The following MGAT4C variants were observed in gnomAD, a reference collection of about 807,000 sequenced individuals.
MGAT4C encodes the protein alpha-1,3-mannosyl-glycoprotein 4-beta-N-acetylglucosaminyltransferase C.
In MGAT4C, 19 loss-of-function variants were observed where a neutral mutation model predicts 40.1. The observed-to-expected ratio is 0.47, with a 90% CI of 0.33 to 0.70. The LOEUF is 0.70. Ranked by LOEUF, MGAT4C falls within the 30% of genes least tolerant of loss-of-function variation. The pLI is 0.02. For missense variants in MGAT4C, 491 were observed against 563.2 expected (o/e 0.87, Z 1.30); for synonymous variants, 181 against 187.1 (o/e 0.97, Z 0.27).
intron 1 of MGAT4C, among the ~76,000 whole-genome samples, chr12:86,084,714 T>C (rs952970778): frequency 1.3e-5 from 2 of 151,118 alleles, no homozygotes; most frequent in East Asian, 3.9e-4. Context: ...AATAAAACCA[T>C]TTTCTTATTA....
At chr12:86,444,979 T>C (rs896454483) in intron 2 of MGAT4C, among the ~76,000 whole-genome samples, 9 of 152,314 alleles carry the variant, frequency 5.9e-5, no homozygotes, top group South Asian at 2.1e-4. Context: ...TGCAAACTTA[T>C]CCATAGTGAC....
intron 3 of MGAT4C, among the ~76,000 whole-genome samples, chr12:86,347,050 C>T (rs1164786983): frequency 1.3e-5 from 2 of 152,238 alleles, no homozygotes; most frequent in South Asian, 2.1e-4. Context: ...ACTGCACTGT[C>T]GGCTTCCCTA....
At chr12:86,539,588 G>C (rs1959137233) in intron 2 of MGAT4C, among the ~76,000 whole-genome samples, 1 of 152,190 alleles carries the variant, frequency 6.6e-6, no homozygotes, top group South Asian at 2.1e-4. Flanking sequence ...AGATACTTGA[G>C]GAATCGCCAC....
chr12:86,743,828 T>C (rs2136133432), intron 1 of MGAT4C, among the ~76,000 whole-genome samples: 1 of 151,794 alleles, frequency 6.6e-6, no homozygotes, highest in East Asian at 1.9e-4. Context: ...AATTTACTTT[T>C]ATTTTTCACA....
chr12:86,782,450 G>A (rs960080305), intron 1 of MGAT4C, among the ~76,000 whole-genome samples: 1 of 151,904 alleles, frequency 6.6e-6, no homozygotes, highest in Non-Finnish European at 1.5e-5. Context: ...TAAAGTGCTG[G>A]GATTACAGGA....
rs149858055 is a variant in MGAT4C, at chr12:85,999,418, G to A, written c.-6-9866C>T. Among the ~76,000 whole-genome samples the A allele has an allele frequency of 2.0e-5, 3 of 152,234 alleles. 1 individual carries two copies. Among genetic ancestry groups the A allele is most frequent in the African/African-American group, 7.2e-5 (3 of 41,532 alleles). On this transcript the variant is annotated intron_variant, in intron 2 of 4. Transcript: ENST00000611864. ...AATTATATACAAATGTTCACAATGT[G>A]TCTCCATTACTGGATATATATCCAA...
chr12:86,673,573 GATA>G (rs1178075721), intron 2 of MGAT4C, among the ~76,000 whole-genome samples: 36 of 151,952 alleles, frequency 2.4e-4, no homozygotes, highest in African/African-American at 7.5e-4. Flanking sequence ...ATTTTATTAT[GATA>G]ATAACTAATC....
At chr12:86,831,477 A>T (rs1276195322) in intron 1 of MGAT4C, among the ~76,000 whole-genome samples, 1 of 151,864 alleles carries the variant, frequency 6.6e-6, no homozygotes, top group Non-Finnish European at 1.5e-5. Context: ...CTTGGAAAAA[A>T]TACAAACACA....
At chr12:86,827,382 C>G (rs569248372) in intron 1 of MGAT4C, among the ~76,000 whole-genome samples, 1 of 151,590 alleles carries the variant, frequency 6.6e-6, no homozygotes, top group African/African-American at 2.4e-5. Context: ...TTTCTTTACA[C>G]TTTCCTGAAT....
At chr12:86,062,770 A>G (rs866780340) in intron 1 of MGAT4C, among the ~76,000 whole-genome samples, 21 of 152,080 alleles carry the variant, frequency 1.4e-4, no homozygotes, top group African/African-American at 4.8e-4. Context: ...AAGAAAGGAT[A>G]TCAGAGATTG....
intron 2 of MGAT4C, among the ~76,000 whole-genome samples, chr12:86,528,787 A>T (rs1346482749): frequency 6.6e-6 from 1 of 151,630 alleles, no homozygotes; most frequent in Non-Finnish European, 1.5e-5. Context: ...TTTTCCTTTC[A>T]CTCCTCATTT....
intron 1 of MGAT4C, among the ~76,000 whole-genome samples, chr12:86,183,277 T>C (rs963627831): frequency 6.6e-6 from 1 of 152,176 alleles, no homozygotes; most frequent in African/African-American, 2.4e-5. Flanking sequence ...TCTGTTTCCA[T>C]CTTCAGAAGA....
At chr12:86,335,301 A>G (rs991233322) in intron 3 of MGAT4C, among the ~76,000 whole-genome samples, 18 of 152,070 alleles carry the variant, frequency 1.2e-4, no homozygotes, top group African/African-American at 4.3e-4. Context: ...TTTGAGATGT[A>G]AATCTTCTCT....
intron 2 of MGAT4C, among the ~76,000 whole-genome samples, chr12:86,502,796 G>A (rs553753177): frequency 6.8e-4 from 68 of 100,006 alleles, no homozygotes; most frequent in Non-Finnish European, 1.2e-3. Flanking sequence ...TCATATATAT[G>A]TATACACGAG....
chr12:86,552,900 A>T (rs1311268843), intron 2 of MGAT4C, among the ~76,000 whole-genome samples: 1 of 152,024 alleles, frequency 6.6e-6, no homozygotes, highest in Non-Finnish European at 1.5e-5. Context: ...TAATGCCATT[A>T]TTTTTTAATT....
chr12:86,668,571 A>T (rs1032190642), intron 2 of MGAT4C, among the ~76,000 whole-genome samples: 8 of 152,352 alleles, frequency 5.3e-5, no homozygotes, highest in Admixed American at 2.0e-4. Context: ...ATCTGTGCAC[A>T]TACACTGTCA....
At chr12:86,379,701 T>A (rs1333709660) in intron 3 of MGAT4C, among the ~76,000 whole-genome samples, 1 of 152,146 alleles carries the variant, frequency 6.6e-6, no homozygotes, top group Non-Finnish European at 1.5e-5. Flanking sequence ...AAGTTTAATA[T>A]AGATAACAAT....
intron 2 of MGAT4C, among the ~76,000 whole-genome samples, chr12:86,587,387 G>A (rs1201628282): frequency 6.6e-6 from 1 of 152,128 alleles, no homozygotes; most frequent in Non-Finnish European, 1.5e-5. Flanking sequence ...CAGGTAGTGT[G>A]ATGCCTCCAG....
At chr12:86,384,087 C>A (rs1287789599) in intron 3 of MGAT4C, among the ~76,000 whole-genome samples, 1 of 152,172 alleles carries the variant, frequency 6.6e-6, no homozygotes, top group Non-Finnish European at 1.5e-5. Flanking sequence ...CTCTTATCTG[C>A]TGCCATGTGA....
Sources: gnomAD v4.1 joint callset for allele counts (sites outside exome capture counted in the v4.1 genomes callset) on GRCh38, gnomAD v4.1.1 for gene constraint, MANE v1.5 for transcripts, NCBI Gene and HGNC (gene_info 2026-07-23, HGNC 2026-07-21) for gene names.